SBK1: variants seen among roughly 807,000 people sequenced by gnomAD.
The protein encoded by SBK1 is serine/threonine-protein kinase SBK1.
In SBK1, 11 loss-of-function variants were observed where a neutral mutation model predicts 24.4. The ratio of observed to expected loss-of-function variants is 0.45; its 90% CI spans 0.28 to 0.75. SBK1 has a LOEUF of 0.75. SBK1 is among the 30% of genes least tolerant of loss of function. SBK1 has a pLI of 0.12. For missense variants in SBK1, 467 were observed against 620.5 expected (o/e 0.75, Z 2.63); for synonymous variants, 308 against 284.4 (o/e 1.08, Z -0.83).
In SBK1 at chr16:28,318,995, G is replaced by T; in HGVS notation, c.227G>T (p.Gly76Val). The T allele has an allele frequency of 6.2e-7, 1 of 1,613,738 alleles. No individual in the cohort carries two copies. The highest frequency in any genetic ancestry group is 2.2e-5 in the East Asian group (1 of 44,876). ...KVDLVVYKGT[G>V]TKMALKFVNK... ...ACCCTGTTGCTGTTGCTCCCATCAG[G>T]CACAAAAATGGCACTGAAGTTTGTG... Residue 76 changes from glycine (G) to valine (V), a missense_variant and splice_region_variant, in exon 3 of 4, where the codon GGC becomes GTC. Gly to Val is a moderately radical substitution (Grantham distance 109, BLOSUM62 -3). Transcript: ENST00000341901.
chr16:28,309,745 A>T (rs1243315997), intron 1 of SBK1, among the ~76,000 whole-genome samples: 1 of 152,192 alleles, frequency 6.6e-6, no homozygotes, highest in African/African-American at 2.4e-5. Context: ...AAAAAAATAA[A>T]ATAATAGGAA....
At chr16:28,314,962 A>C (rs2044782820) in intron 1 of SBK1, among the ~76,000 whole-genome samples, 1 of 152,118 alleles carries the variant, frequency 6.6e-6, no homozygotes, top group Admixed American at 6.6e-5. Flanking sequence ...CCAGGTGACA[A>C]GAGAGAAACT....
intron 1 of SBK1, among the ~76,000 whole-genome samples, chr16:28,297,792 T>C (rs1261589998): frequency 6.6e-6 from 1 of 152,164 alleles, no homozygotes; most frequent in Admixed American, 6.5e-5. Context: ...TTACTCTTCC[T>C]TGGGAGCTGG....
chr16:28,272,851 A>G (rs1038090979), intron 1 of SBK1, among the ~76,000 whole-genome samples: 14 of 150,066 alleles, frequency 9.3e-5, no homozygotes, highest in Admixed American at 2.6e-4. Flanking sequence ...CGAACTCCTG[A>G]CCTTGTGATC....
intron 1 of SBK1, 55 bp downstream of exon 1, chr16:28,293,355 G>A (rs76597446): frequency 0.045 from 38,262 of 857,734 alleles, 932 homozygotes; most frequent in Non-Finnish European, 0.051. Flanking sequence ...GGTCCCCATA[G>A]CCCTGCAGGT....
chr16:28,276,559 G>A (rs2044494734), intron 1 of SBK1, among the ~76,000 whole-genome samples: 1 of 152,194 alleles, frequency 6.6e-6, no homozygotes, highest in South Asian at 2.1e-4. Flanking sequence ...GGGAGTGGGC[G>A]TGTTTTCCAG....
chr16:28,270,732 G>A (rs2044459798), intron 1 of SBK1, among the ~76,000 whole-genome samples: 1 of 150,998 alleles, frequency 6.6e-6, no homozygotes, highest in Admixed American at 6.6e-5. Flanking sequence ...CCTCAGCATA[G>A]AATTCAATAC....
intron 1 of SBK1, among the ~76,000 whole-genome samples, chr16:28,280,149 A>ATATATATGTGTGTG (rs1230385223): frequency 2.5e-5 from 1 of 39,410 alleles, no homozygotes; most frequent in African/African-American, 8.2e-5. Context: ...ATATATATAT[A>ATATATATGTGTGTG]TGTGTGTGTG....
intron 1 of SBK1, among the ~76,000 whole-genome samples, chr16:28,304,263 C>T (rs748556104): frequency 2.6e-5 from 4 of 152,192 alleles, no homozygotes; most frequent in Non-Finnish European, 4.4e-5. Context: ...TTCCTCCGTG[C>T]CTGGCTCCCT....
intron 1 of SBK1, among the ~76,000 whole-genome samples, chr16:28,308,232 GC>G (rs1234384416): frequency 6.6e-6 from 1 of 152,032 alleles, no homozygotes; most frequent in Admixed American, 6.6e-5. Context: ...CTCACTGCCA[GC>G]TCCACCTCCC....
At chr16:28,316,218 C>A (rs1421314494) in intron 1 of SBK1, among the ~76,000 whole-genome samples, 1 of 152,162 alleles carries the variant, frequency 6.6e-6, no homozygotes, top group Admixed American at 6.5e-5. Context: ...ACCATCCTGC[C>A]AGTTTGGCCT....
At position 28,320,294 on chromosome 16, in the gene SBK1, G is replaced by A. The variant is rs1373006057; in HGVS notation, c.648G>A (p.Ala216=). The A allele has an allele frequency of 6.3e-7, 1 of 1,591,552 alleles. No individual in the cohort carries two copies. The change falls in exon 4 of 4, where the codon GCG becomes GCA. Residue 216 remains alanine, a synonymous_variant. Coordinates refer to ENST00000341901, the MANE Select transcript of SBK1 (RefSeq NM_001024401.3). The surrounding 1 kb of genome is among the most constrained non-coding windows in gnomAD (Gnocchi z 8.5). ...KRVSGTIPYT[A]PEVCQAGRAD... ...TGAGCGGCACCATCCCTTACACGGC[G>A]CCTGAGGTGTGCCAGGCGGGCCGCG...
chr16:28,278,346 C>A (rs964450617), intron 1 of SBK1, among the ~76,000 whole-genome samples: 1 of 151,866 alleles, frequency 6.6e-6, no homozygotes, highest in Non-Finnish European at 1.5e-5. Flanking sequence ...CTCACCCACC[C>A]CGCCTTTGTT....
intron 1 of SBK1, among the ~76,000 whole-genome samples, chr16:28,262,960 C>T (rs1288486935): frequency 2.0e-5 from 3 of 152,142 alleles, no homozygotes; most frequent in Non-Finnish European, 4.4e-5. Flanking sequence ...ACTCTGTCAT[C>T]ACCCACGGCC....
intron 1 of SBK1, among the ~76,000 whole-genome samples, chr16:28,295,976 A>G (rs1596547572): frequency 8.2e-6 from 1 of 122,688 alleles, no homozygotes; most frequent in Non-Finnish European, 1.6e-5. Flanking sequence ...CCCGGGCTGG[A>G]GTGTAATGGC....
intron 1 of SBK1, among the ~76,000 whole-genome samples, chr16:28,313,874 G>C (rs528550187): frequency 0.011 from 1,641 of 152,230 alleles, 34 homozygotes; most frequent in African/African-American, 0.037. Flanking sequence ...GGAGAGGCTT[G>C]GGGCCTGGAA....
intron 2 of SBK1, among the ~76,000 whole-genome samples, chr16:28,318,185 T>C (rs2044811476): frequency 6.6e-6 from 1 of 152,144 alleles, no homozygotes; most frequent in Non-Finnish European, 1.5e-5. Flanking sequence ...TCCAGAGCCT[T>C]GTCGCTTAGT....
chr16:28,316,147 C>T (rs1203915574), intron 1 of SBK1, among the ~76,000 whole-genome samples: 1 of 152,106 alleles, frequency 6.6e-6, no homozygotes, highest in African/African-American at 2.4e-5. Context: ...GTGGGGGAGG[C>T]ACTGCCAGGC....
rs531480757 is a variant in SBK1, at chr16:28,301,567, C to A, written c.-8+8267C>A. ...TCTGGACTCTTCCTCCCAGGCTCCT[C>A]ATGTGGGAAGTGGAGGAGCGGGGTC... On this transcript the variant is annotated intron_variant, in intron 1 of 3. Coordinates refer to ENST00000341901, the MANE Select transcript of SBK1 (RefSeq NM_001024401.3). 1.4e-4 allele frequency among the ~76,000 whole-genome samples: 22 copies of A among 152,348 alleles called. No homozygotes were observed. The East Asian group carries it at 4.2e-3, about 29-fold the overall frequency.
Sources: gnomAD v4.1 joint callset for allele counts (sites outside exome capture counted in the v4.1 genomes callset) on GRCh38, gnomAD v4.1.1 for gene constraint, Gnocchi (gnomAD v3.1) non-coding constraint, MANE v1.5 for transcripts, NCBI Gene and HGNC (gene_info 2026-07-23, HGNC 2026-07-21) for gene names.